The following ATG4A variants were observed in gnomAD, a reference collection of about 807,000 sequenced individuals.
ATG4A encodes the protein autophagy related 4A cysteine peptidase.
A neutral mutation model predicts 38.4 loss-of-function variants in ATG4A; 22 were observed. The observed-to-expected ratio is 0.57, with a 90% CI of 0.41 to 0.82. ATG4A has a LOEUF of 0.82. Ranked by LOEUF, ATG4A falls within the 40% of genes least tolerant of loss-of-function variation. The probability of loss-of-function intolerance (pLI) is 0.00; values close to 1 mark genes in which losing one functional copy is unlikely to be tolerated. For synonymous variants in ATG4A, 86 were observed against 100.7 expected (o/e 0.85, Z 0.88); for missense variants, 220 against 290.0 (o/e 0.76, Z 1.75).
chrX:108,123,467 T>C (rs1396588455), intron 1 of ATG4A, among the ~76,000 whole-genome samples: 1 of 112,372 alleles, frequency 8.9e-6, no homozygotes, highest in East Asian at 2.8e-4. Flanking sequence ...ATATGAGTTC[T>C]CCCTATGTAG....
At chrX:108,129,329 C>G (rs190669060) in intron 3 of ATG4A, among the ~76,000 whole-genome samples, 2 of 111,888 alleles carry the variant, frequency 1.8e-5, no homozygotes, top group Non-Finnish European at 3.8e-5. Context: ...GGAACTAATT[C>G]TAGGCTGTTA....
At chrX:108,098,608 C>A (rs754827142) in intron 1 of ATG4A, among the ~76,000 whole-genome samples, 1 of 111,276 alleles carries the variant, frequency 9.0e-6, no homozygotes, top group Non-Finnish European at 1.9e-5. Flanking sequence ...CTCTCCTGTG[C>A]TACCTCTTTA....
intron 9 of ATG4A, among the ~76,000 whole-genome samples, chrX:108,145,399 A>G (rs978212500): frequency 3.5e-5 from 4 of 112,722 alleles, no homozygotes; most frequent in Non-Finnish European, 7.5e-5. Context: ...CATGGACAGG[A>G]ATGGACAAAA....
At chrX:108,146,267 G>A (rs1195840154) in intron 9 of ATG4A, among the ~76,000 whole-genome samples, 1 of 111,709 alleles carries the variant, frequency 9.0e-6, no homozygotes, top group Non-Finnish European at 1.9e-5. Flanking sequence ...TTGTGCATTC[G>A]ACCTAGAAGT....
intron 1 of ATG4A, among the ~76,000 whole-genome samples, chrX:108,121,497 C>T (rs2032647116): frequency 9.0e-6 from 1 of 110,526 alleles, no homozygotes; most frequent in Non-Finnish European, 1.9e-5. Context: ...TTGACTCTCT[C>T]TCACTCTCCC....
At chrX:108,117,095 A>C (rs2032529904) in intron 1 of ATG4A, among the ~76,000 whole-genome samples, 1 of 111,995 alleles carries the variant, frequency 8.9e-6, no homozygotes, top group South Asian at 3.7e-4. Context: ...AGTACTGGTT[A>C]CATGGTAGGT....
chrX:108,093,978 A>G (rs1324449218), intron 1 of ATG4A, among the ~76,000 whole-genome samples: 17 of 111,839 alleles, frequency 1.5e-4, no homozygotes, highest in African/African-American at 5.5e-4. Flanking sequence ...CCTGAGAGAT[A>G]TATGATATGC....
chrX:108,092,781 A>G (rs997295027), intron 1 of ATG4A, among the ~76,000 whole-genome samples: 1 of 111,588 alleles, frequency 9.0e-6, no homozygotes, highest in African/African-American at 3.3e-5. Context: ...AGGGGATAAT[A>G]TTTTGCTTAA....
At chrX:108,114,787 TA>T (rs58227307) in intron 1 of ATG4A, among the ~76,000 whole-genome samples, 44,673 of 110,330 alleles carry the variant, frequency 0.4, 6,991 homozygotes, top group Non-Finnish European at 0.47. Context: ...TGGTTAAAAT[TA>T]AGTGTCATTT....
intron 1 of ATG4A, among the ~76,000 whole-genome samples, chrX:108,104,074 T>C (rs1413884274): frequency 8.9e-6 from 1 of 112,292 alleles, no homozygotes; most frequent in Non-Finnish European, 1.9e-5. Flanking sequence ...CTCGAACTCC[T>C]GACCTCAGGG....
chrX:108,130,166 C>T (rs769436939), intron 3 of ATG4A, among the ~76,000 whole-genome samples: 1 of 111,300 alleles, frequency 9.0e-6, no homozygotes, highest in Admixed American at 9.5e-5. Context: ...TCCTTCCCAT[C>T]TTCTTGTAGT....
At chrX:108,130,716 TC>T (rs1348182817) in intron 3 of ATG4A, among the ~76,000 whole-genome samples, 2 of 112,049 alleles carry the variant, frequency 1.8e-5, no homozygotes, top group Middle Eastern at 4.6e-3. Flanking sequence ...CATCTAGGGA[TC>T]TTTCCCCTAT....
intron 9 of ATG4A, among the ~76,000 whole-genome samples, chrX:108,140,955 TACATATATAC>T (rs1443422980): frequency 4.4e-4 from 40 of 91,425 alleles, no homozygotes; most frequent in African/African-American, 1.3e-3. Context: ...TACACATATA[TACATATATAC>T]ACATATATAC....
At position 108,134,102 on chromosome X, in the gene ATG4A, G is replaced by A. The variant is rs774160022; in HGVS notation, c.338G>A (p.Arg113His). 27 of 1,204,884 alleles carry A rather than the reference G, an allele frequency of 2.2e-5. No individual in the cohort carries two copies. Among genetic ancestry groups the A allele is most frequent in the African/African-American group, 3.5e-5 (2 of 56,705 alleles). The change falls in exon 5 of 13, where the codon CGC (arginine) becomes CAC (histidine). Residue 113 changes from arginine (R) to histidine (H), a missense_variant. Physicochemically the swap from Arg to His is conservative, Grantham distance 29. This residue lies in a region of ATG4A where 61 missense variants were observed against 83.3 expected (regional missense o/e 0.73). Coordinates refer to ENST00000372232, the MANE Select transcript of ATG4A (RefSeq NM_052936.5). ...AAAGAACAACCCAAAGAATACCAAC[G>A]CATCCTACAGTGCTTCTTAGATAGA... ...KQKEQPKEYQRILQCFLDRKD... is the reference protein window; with the variant it reads ...KQKEQPKEYQHILQCFLDRKD...
intron 1 of ATG4A, among the ~76,000 whole-genome samples, chrX:108,111,458 CATT>C (rs1203476519): frequency 1.8e-5 from 2 of 111,914 alleles, no homozygotes; most frequent in African/African-American, 6.5e-5. Context: ...TTTCTTTATT[CATT>C]ATTATGAAAT....
Position 108,140,495 on chromosome X carries a change from G to C in ATG4A, c.814+2304G>C, listed in dbSNP as rs535542346. On this transcript the variant is annotated intron_variant, in intron 9 of 12. Transcript: ENST00000372232. Reference sequence around the variant, plus strand: ...GATGCAAATTGCCATTTTCTAAATAGTTGTCCTGTTCCAGAGACTTCGCAA... The same window carrying C: ...GATGCAAATTGCCATTTTCTAAATACTTGTCCTGTTCCAGAGACTTCGCAA... Among the ~76,000 whole-genome samples the C allele has an allele frequency of 3.7e-5, 4 of 107,891 alleles. No homozygotes were observed. The South Asian group carries it at 1.6e-3, about 42-fold the overall frequency. 93.7% of individuals were successfully genotyped at this position (107,891 alleles called of 115,157 possible). A position where few individuals can be genotyped will look rare whatever the true frequency, so the allele number is the denominator to read the frequency against.
chrX:108,141,029 T>C (rs780354282), intron 9 of ATG4A, among the ~76,000 whole-genome samples: 2 of 74,396 alleles, frequency 2.7e-5, no homozygotes, highest in East Asian at 3.7e-4. Flanking sequence ...CACATATATA[T>C]ACATATATAC....
At chrX:108,112,000 T>A (rs745313172) in intron 1 of ATG4A, among the ~76,000 whole-genome samples, 4 of 110,915 alleles carry the variant, frequency 3.6e-5, no homozygotes, top group African/African-American at 3.3e-5. Flanking sequence ...AATAATTTTT[T>A]AATTTTTAAT....
At chrX:108,092,356 G>A (rs1166077360) in intron 1 of ATG4A, among the ~76,000 whole-genome samples, 3 of 112,312 alleles carry the variant, frequency 2.7e-5, no homozygotes, top group Non-Finnish European at 5.6e-5. Flanking sequence ...TAACTATGTT[G>A]TCAAGGCTTT....
Sources: allele counts gnomAD v4.1 joint callset (sites outside exome capture counted in the v4.1 genomes callset), GRCh38; gene constraint gnomAD v4.1.1; regional missense constraint gnomAD v4.1.1; transcripts MANE v1.5; gene names NCBI Gene and HGNC (gene_info 2026-07-23, HGNC 2026-07-21).